Variants in ARMH3 observed in about 807,000 individuals in gnomAD.
ARMH3 encodes the protein armadillo-like helical domain-containing protein 3.
Under a neutral mutation model 99.1 loss-of-function variants are expected in ARMH3, and 60 were observed. The ratio of observed to expected loss-of-function variants is 0.61; its 90% CI spans 0.49 to 0.75. The LOEUF is 0.75. Among genes scored for constraint, ARMH3 ranks in the 30% least tolerant of loss-of-function variants. ARMH3 has a pLI of 0.00. For synonymous variants in ARMH3, 285 were observed against 292.8 expected, an observed-to-expected ratio of 0.97 and a Z score of 0.27; for missense variants, 679 against 843.1, an observed-to-expected ratio of 0.81 and a Z score of 2.41.
intron 2 of ARMH3, among the ~76,000 whole-genome samples, chr10:102,034,773 T>C (rs1380510316): frequency 1.3e-5 from 2 of 152,112 alleles, no homozygotes; most frequent in African/African-American, 4.8e-5. Flanking sequence ...CCAGGTGCAG[T>C]GGCCCATGCC....
intron 24 of ARMH3, among the ~76,000 whole-genome samples, chr10:101,868,678 T>C (rs117293660): frequency 0.021 from 3,168 of 152,348 alleles, 46 homozygotes; most frequent in Middle Eastern, 0.051. Flanking sequence ...CTCTTCCTTA[T>C]GATTCTCTTA....
intron 5 of ARMH3, among the ~76,000 whole-genome samples, chr10:102,028,399 A>G (rs957913654): frequency 1.3e-5 from 2 of 152,192 alleles, no homozygotes; most frequent in Admixed American, 6.5e-5. Context: ...AAATAAATAA[A>G]TAAATACGAG....
chr10:101,936,762 C>T (rs1158830793), intron 23 of ARMH3, among the ~76,000 whole-genome samples: 2 of 152,038 alleles, frequency 1.3e-5, no homozygotes, highest in East Asian at 3.9e-4. Flanking sequence ...ACTCAAGTGT[C>T]CATCAACGGA....
intron 23 of ARMH3, among the ~76,000 whole-genome samples, chr10:101,914,599 C>T (rs906100829): frequency 6.6e-6 from 1 of 151,582 alleles, no homozygotes; most frequent in Admixed American, 6.6e-5. Context: ...GGTGCGGTGG[C>T]TTATGCCTAT....
At chr10:101,929,205 T>C (rs1355630852) in intron 23 of ARMH3, among the ~76,000 whole-genome samples, 1 of 152,250 alleles carries the variant, frequency 6.6e-6, no homozygotes. Context: ...CCTGTTACTT[T>C]TGTACTTGTA....
At chr10:101,859,300 T>C (rs1265994615) in intron 24 of ARMH3, among the ~76,000 whole-genome samples, 5 of 152,208 alleles carry the variant, frequency 3.3e-5, no homozygotes, top group African/African-American at 4.8e-5. Flanking sequence ...TAGTAGCTAA[T>C]TGTGAGTGCA....
chr10:102,030,360 T>C (rs1280549546), intron 4 of ARMH3, among the ~76,000 whole-genome samples: 2 of 152,184 alleles, frequency 1.3e-5, no homozygotes, highest in African/African-American at 2.4e-5. Flanking sequence ...TATTCAAAGA[T>C]TAAAAATAGT....
intron 24 of ARMH3, among the ~76,000 whole-genome samples, chr10:101,885,350 C>T (rs1303931512): frequency 3.3e-5 from 5 of 152,210 alleles, no homozygotes; most frequent in African/African-American, 1.2e-4. Context: ...TCAAAAGCAA[C>T]ATTATTCATA....
chr10:101,880,326 C>G (rs771610763), intron 24 of ARMH3, among the ~76,000 whole-genome samples: 5 of 152,162 alleles, frequency 3.3e-5, no homozygotes. Flanking sequence ...GAGTGGGCTG[C>G]TTAGAGAGGC....
Position 102,012,144 on chromosome 10 carries a change from G to C in ARMH3, c.771-361C>G, listed in dbSNP as rs2066644093. On this transcript the variant is annotated intron_variant, in intron 10 of 25. Transcript: ENST00000370033. ...CTGAAAATCTTGTTTCTTTTTAAAG[G>C]AGGAGGAAGGAAATCAGTAAACTAA... Among the ~76,000 whole-genome samples the C allele has an allele frequency of 2.6e-5, 4 of 152,342 alleles. No homozygotes were observed. The South Asian group carries it at 8.3e-4, about 32-fold the overall frequency.
intron 23 of ARMH3, among the ~76,000 whole-genome samples, chr10:101,906,666 T>C (rs561302921): frequency 4.6e-5 from 7 of 152,240 alleles, no homozygotes; most frequent in African/African-American, 7.2e-5. Context: ...ACACCATTAA[T>C]TGGGAAGGTA....
intron 2 of ARMH3, among the ~76,000 whole-genome samples, chr10:102,034,496 C>T (rs1323392478): frequency 2.0e-5 from 3 of 151,866 alleles, no homozygotes; most frequent in East Asian, 1.9e-4. Flanking sequence ...ATTAGCCGGG[C>T]GTGGTGGTGG....
intron 1 of ARMH3, among the ~76,000 whole-genome samples, chr10:102,041,076 A>C (rs1174463643): frequency 2.4e-5 from 2 of 83,664 alleles, no homozygotes; most frequent in African/African-American, 4.0e-5. Context: ...TTGTGTGTAC[A>C]TATATATATA....
chr10:102,027,065 G>T (rs1036398633), intron 5 of ARMH3, among the ~76,000 whole-genome samples: 1 of 152,160 alleles, frequency 6.6e-6, no homozygotes, highest in Non-Finnish European at 1.5e-5. Flanking sequence ...GATCACCTGA[G>T]GTTAGGAGTT....
rs529852649 is a variant in ARMH3 at position 101,967,883 on chromosome 10, C to T, written c.1495+7329G>A. 7.2e-5 allele frequency among the ~76,000 whole-genome samples: 11 copies of T among 152,272 alleles called. No individual in the cohort carries two copies. The South Asian group carries it at 2.3e-3, about 32-fold the overall frequency. ...GGCTCTGGCTGTATGCTATCAGCCT[C>T]TCCAGGTGAACACAGCACACAAGTC... is the stretch of plus-strand genomic sequence containing the variant. On this transcript the variant is annotated intron_variant, in intron 20 of 25. Coordinates refer to ENST00000370033, the MANE Select transcript of ARMH3 (RefSeq NM_024541.3).
In ARMH3 at chr10:101,847,033, A is replaced by G. The variant is rs192703785; in HGVS notation, c.*495T>C. 8.1e-4 allele frequency: 126 copies of G among 154,988 alleles called. No homozygotes were observed. The highest frequency in any genetic ancestry group is 3.4e-3 in the Admixed American group (53 of 15,654). 9.6% of individuals were successfully genotyped at this position (154,988 alleles called of 1,614,324 possible). On this transcript the variant is annotated 3_prime_UTR_variant, in exon 26 of 26. Coordinates refer to ENST00000370033, the MANE Select transcript of ARMH3 (RefSeq NM_024541.3). ...GAGCCAAAGGTCCCGATGACTGGAC[A>G]AAGTGCCAGTGCAGGCAGGGGACAC...
At chr10:101,961,903 T>C (rs150973786) in intron 20 of ARMH3, among the ~76,000 whole-genome samples, 83 of 152,318 alleles carry the variant, frequency 5.4e-4, no homozygotes, top group African/African-American at 1.7e-3. Flanking sequence ...GTACAGTAAA[T>C]GTTGCAGTCA....
intron 2 of ARMH3, among the ~76,000 whole-genome samples, chr10:102,038,165 G>C (rs2067323074): frequency 7.1e-6 from 1 of 141,668 alleles, no homozygotes; most frequent in Non-Finnish European, 1.5e-5. Context: ...CGCGATCTCA[G>C]CTCACTGCAA....
At chr10:101,981,249 A>G (rs1846219722) in intron 19 of ARMH3, among the ~76,000 whole-genome samples, 1 of 152,194 alleles carries the variant, frequency 6.6e-6, no homozygotes, top group Admixed American at 6.5e-5. Flanking sequence ...TTACCAGAGG[A>G]GAAAAGAAGA....
Sources: allele counts gnomAD v4.1 joint callset (sites outside exome capture counted in the v4.1 genomes callset), GRCh38; gene constraint gnomAD v4.1.1; transcripts MANE v1.5; gene names NCBI Gene and HGNC (gene_info 2026-07-23, HGNC 2026-07-21).